The following KPNA7 variants were observed in gnomAD, a reference collection of about 807,000 sequenced individuals.
KPNA7 encodes the protein importin subunit alpha-8.
Under a neutral mutation model 53.7 loss-of-function variants are expected in KPNA7, and 54 were observed. The observed-to-expected ratio is 1.01, with a 90% CI of 0.81 to 1.26. The LOEUF (loss-of-function observed/expected upper bound fraction) is 1.26. Among genes scored for constraint, KPNA7 ranks in the 50% most tolerant of loss-of-function variants. KPNA7 has a pLI of 0.00. For missense variants in KPNA7, 640 were observed against 644.5 expected (o/e 0.99, Z 0.07); for synonymous variants, 276 against 259.3 (o/e 1.06, Z -0.62).
At chr7:99,184,511 ACTTT>A (rs1789473492) in intron 8 of KPNA7, among the ~76,000 whole-genome samples, 2 of 152,030 alleles carry the variant, frequency 1.3e-5, no homozygotes, top group African/African-American at 2.4e-5. Context: ...TGACATTACC[ACTTT>A]AATCAATTTA....
intron 6 of KPNA7, among the ~76,000 whole-genome samples, chr7:99,192,760 A>T (rs899426489): frequency 6.6e-6 from 1 of 152,124 alleles, no homozygotes; most frequent in Non-Finnish European, 1.5e-5. Context: ...CACATGATCT[A>T]GCATTGGATT....
downstream of KPNA7, among the ~76,000 whole-genome samples, chr7:99,170,294 G>A (rs1248049377): frequency 1.3e-5 from 2 of 152,118 alleles, no homozygotes; most frequent in Non-Finnish European, 2.9e-5. Flanking sequence ...AGGATCTTGC[G>A]CTAATGAAGA....
downstream of KPNA7, among the ~76,000 whole-genome samples, chr7:99,172,443 G>T (rs188546426): frequency 6.6e-6 from 1 of 152,092 alleles, no homozygotes; most frequent in Non-Finnish European, 1.5e-5. Flanking sequence ...GGCCAGGTGC[G>T]GTTGCTTATG....
intron 6 of KPNA7, among the ~76,000 whole-genome samples, chr7:99,191,247 T>C (rs990412682): frequency 1.3e-5 from 2 of 150,908 alleles, no homozygotes; most frequent in African/African-American, 2.4e-5. Flanking sequence ...AACCTCCACC[T>C]CCCAGGTTCA....
chr7:99,185,161 G>A lies in KPNA7; in HGVS notation c.902C>T (p.Thr301Ile), dbSNP rs1391422500. Residue 301 changes from threonine to isoleucine, a missense_variant and splice_region_variant, in exon 8 of 11, where the codon ACT (threonine) becomes ATT (isoleucine). By Grantham distance (89) the Thr-to-Ile change is moderately conservative. Coordinates refer to ENST00000327442, the MANE Select transcript of KPNA7 (RefSeq NM_001145715.3). The stretch of plus-strand genomic sequence containing the variant: ...GTTCCCCACGGTGCGGAGAGAAGGA[G>A]TCTGGAAGAGCAAGGCTAGAAGTCT... Reference protein sequence around the residue: ...LMTSSELNVLTPSLRTVGNIV... With the variant: ...LMTSSELNVLIPSLRTVGNIV... The A allele has an allele frequency of 2.6e-6, 4 of 1,547,596 alleles. No individual in the cohort carries two copies. Among genetic ancestry groups the A allele is most frequent in the Non-Finnish European group, 3.5e-6 (4 of 1,142,960 alleles).
At chr7:99,164,403 C>A in the KPNA7 span, among the ~76,000 whole-genome samples, 1 of 151,968 alleles carries the variant, frequency 6.6e-6, no homozygotes, top group Non-Finnish European at 1.5e-5. Context: ...AAACCAAACA[C>A]CTCATGTTCT....
chr7:99,148,181 A>G, the KPNA7 span, among the ~76,000 whole-genome samples: 2 of 152,250 alleles, frequency 1.3e-5, no homozygotes, highest in Admixed American at 6.5e-5. Context: ...TGGAACAAAC[A>G]GATGCAAAAT....
At chr7:99,217,920 C>T (rs1791253666) in intron 1 of KPNA7, among the ~76,000 whole-genome samples, 1 of 152,194 alleles carries the variant, frequency 6.6e-6, no homozygotes, top group African/African-American at 2.4e-5. Flanking sequence ...CGTGAGCCTC[C>T]ATGCCCGGCC....
upstream of KPNA7, among the ~76,000 whole-genome samples, chr7:99,209,682 C>CAA (rs60377276): frequency 3.1e-4 from 23 of 73,536 alleles, 1 homozygote; most frequent in African/African-American, 6.8e-4. Flanking sequence ...GACTCCAACT[C>CAA]AAAAAAAAAA....
At chr7:99,190,980 C>A (rs933482273) in intron 6 of KPNA7, among the ~76,000 whole-genome samples, 4 of 152,004 alleles carry the variant, frequency 2.6e-5, no homozygotes, top group Non-Finnish European at 5.9e-5. Context: ...CAACTTCATG[C>A]CTGCAACACA....
At chr7:99,189,582 C>T (rs559856729) in intron 6 of KPNA7, among the ~76,000 whole-genome samples, 1 of 152,252 alleles carries the variant, frequency 6.6e-6, no homozygotes, top group Non-Finnish European at 1.5e-5. Context: ...AGAGAGGCAT[C>T]TATATTCACT....
At chr7:99,198,826 A>T (rs1033677904) in intron 3 of KPNA7, among the ~76,000 whole-genome samples, 4 of 152,108 alleles carry the variant, frequency 2.6e-5, no homozygotes, top group Non-Finnish European at 5.9e-5. Flanking sequence ...GGAAGAAATA[A>T]AACTATTTGC....
At chr7:99,157,860 G>A in the KPNA7 span, among the ~76,000 whole-genome samples, 2 of 151,728 alleles carry the variant, frequency 1.3e-5, no homozygotes, top group South Asian at 2.1e-4. Flanking sequence ...CTGCAGCCTC[G>A]ACCTCCTGGA....
chr7:99,169,902 A>T (rs1320341333), downstream of KPNA7, among the ~76,000 whole-genome samples: 4 of 152,084 alleles, frequency 2.6e-5, no homozygotes, highest in African/African-American at 9.7e-5. Flanking sequence ...TTAGCCGGGC[A>T]TGGTGGCTTG....
the KPNA7 span, among the ~76,000 whole-genome samples, chr7:99,149,823 G>A: frequency 6.6e-6 from 1 of 152,142 alleles, no homozygotes; most frequent in South Asian, 2.1e-4. Flanking sequence ...GTCTTGCTCT[G>A]ACACCCAGGC....
In KPNA7 at chr7:99,195,160, C is replaced by T. The variant is rs1469000069; in HGVS notation, c.463G>A (p.Gly155Arg). Residue 155 changes from glycine to arginine, a missense_variant, in exon 5 of 11, where the codon GGG becomes AGG. Coordinates refer to ENST00000327442, the MANE Select transcript of KPNA7 (RefSeq NM_001145715.3). ...TSEQTRAVVE[G>R]GAIQPLIELL... ...TCAATCAAGGGCTGGATGGCTCCCC[C>T]TTCTACCACGGCACGAGTCTGCTCC... is the stretch of plus-strand genomic sequence containing the variant. 6.4e-7 allele frequency: 1 copy of T among 1,551,620 alleles called. No homozygotes were observed. Among genetic ancestry groups the T allele is most frequent in the Non-Finnish European group, 8.7e-7 (1 of 1,147,004 alleles).
chr7:99,161,266 T>TCC, the KPNA7 span, among the ~76,000 whole-genome samples: 8 of 103,266 alleles, frequency 7.7e-5, no homozygotes, highest in African/African-American at 3.0e-4. Flanking sequence ...TCTCTCTCTC[T>TCC]CTCTGATCAC....
At chr7:99,203,608 G>C (rs1176458815) in intron 2 of KPNA7, among the ~76,000 whole-genome samples, 1 of 152,032 alleles carries the variant, frequency 6.6e-6, no homozygotes, top group Non-Finnish European at 1.5e-5. Context: ...ATGTACCCAG[G>C]CCTTTTCGGT....
chr7:99,172,774 G>A (rs1798792275), downstream of KPNA7, among the ~76,000 whole-genome samples: 1 of 151,956 alleles, frequency 6.6e-6, no homozygotes, highest in Non-Finnish European at 1.5e-5. Context: ...GTCGAAGTCT[G>A]TGTAGAGACC....
Sources: allele counts gnomAD v4.1 joint callset (sites outside exome capture counted in the v4.1 genomes callset), GRCh38; gene constraint gnomAD v4.1.1; transcripts MANE v1.5; gene names NCBI Gene and HGNC (gene_info 2026-07-23, HGNC 2026-07-21).